GHITM: variants seen among roughly 807,000 people sequenced by gnomAD.
The protein encoded by GHITM is growth hormone-inducible transmembrane protein.
In GHITM, 24 loss-of-function variants were observed where a neutral mutation model predicts 38.7. The observed-to-expected ratio is 0.62, with a 90% CI of 0.45 to 0.87. The LOEUF (loss-of-function observed/expected upper bound fraction) is 0.87, where lower values mean the gene tolerates loss of function less well. GHITM is among the 40% of genes least tolerant of loss of function. GHITM has a pLI of 0.00. For synonymous variants in GHITM, 154 were observed against 147.8 expected (o/e 1.04, Z -0.30); for missense variants, 420 against 429.8 (o/e 0.98, Z 0.20).
At chr10:84,141,937 C>T (rs1589274305) in intron 2 of GHITM, among the ~76,000 whole-genome samples, 1 of 119,892 alleles carries the variant, frequency 8.3e-6, no homozygotes, top group African/African-American at 5.4e-5. Context: ...AGCACATAGT[C>T]AGAAGTTTAA....
chr10:84,140,897 A>G (rs1229869303), intron 1 of GHITM, among the ~76,000 whole-genome samples: 1 of 152,198 alleles, frequency 6.6e-6, no homozygotes, highest in East Asian at 1.9e-4. Flanking sequence ...GTTAACTTAG[A>G]ATATTTTTAT....
At chr10:84,148,890 G>C (rs767141155) in intron 6 of GHITM, 52 bp downstream of exon 6, 1 of 1,064,462 alleles carries the variant, frequency 9.4e-7, no homozygotes, top group Non-Finnish European at 1.5e-6. Context: ...CACCTTTTTT[G>C]GGTGGCTCTT....
At position 84,141,648 on chromosome 10, in the gene GHITM, T is replaced by C; in HGVS notation, c.129+19T>C. On this transcript the variant is annotated intron_variant, in intron 2 of 8. Transcript: ENST00000372134. ...TAGCAGGGTAAAGATAATCTGAATG[T>C]TTTTATATTGCTTCTTTTTCCATTT... is the stretch of plus-strand genomic sequence containing the variant. 1 of 1,611,740 alleles carries C rather than the reference T, an allele frequency of 6.2e-7. No individual in the cohort carries two copies. Among genetic ancestry groups the C allele is most frequent in the Non-Finnish European group, 8.5e-7 (1 of 1,177,890 alleles).
In GHITM at chr10:84,148,715, G is replaced by A. The variant is rs772288028; in HGVS notation, c.484-15G>A. Reference sequence around the variant, plus strand: ...ATATAAAGATCAGTTTTTCTTAATAGTACTTGTCTTTCAGACAATTGGTGT... The same window carrying A: ...ATATAAAGATCAGTTTTTCTTAATAATACTTGTCTTTCAGACAATTGGTGT... On this transcript the variant is annotated splice_polypyrimidine_tract_variant and intron_variant, in intron 5 of 8. Transcript: ENST00000372134. The A allele has an allele frequency of 4.6e-6, 7 of 1,529,128 alleles. No homozygotes were observed. The highest frequency in any genetic ancestry group is 5.4e-6 in the Non-Finnish European group (6 of 1,102,676). 94.7% of individuals were successfully genotyped at this position (1,529,128 alleles called of 1,614,324 possible).
intron 1 of GHITM, chr10:84,140,064 C>G (rs1440480479): frequency 6.9e-6 from 1 of 145,472 alleles, no homozygotes. Flanking sequence ...TTTATAGCAA[C>G]GACATCTGAG....
intron 3 of GHITM, 64 bp from the exon 4 acceptor site, chr10:84,143,931 A>C: frequency 9.5e-7 from 1 of 1,053,704 alleles, no homozygotes; most frequent in South Asian, 1.3e-5. Flanking sequence ...TCCCTTGATA[A>C]ATATTTTAAA....
chr10:84,152,251 T>C lies in GHITM; in HGVS notation c.954-13T>C, dbSNP rs1215282440. 2 of 1,382,512 alleles carry C rather than the reference T, an allele frequency of 1.4e-6. No individual in the cohort carries two copies. Among genetic ancestry groups the C allele is most frequent in the Non-Finnish European group, 2.0e-6 (2 of 977,654 alleles). 85.6% of individuals were successfully genotyped at this position (1,382,512 alleles called of 1,614,324 possible). ...ATTGCATCATATATAATGGGCATAA[T>C]TTTCTTTTCTAGGATGCTGAGTATC... On this transcript the variant is annotated splice_polypyrimidine_tract_variant and intron_variant, in intron 8 of 8. Transcript: ENST00000372134.
At chr10:84,149,975 T>C (rs1019810659) in intron 6 of GHITM, 80 bp from the exon 7 acceptor site, 27 of 1,132,258 alleles carry the variant, frequency 2.4e-5, no homozygotes, top group Non-Finnish European at 3.1e-5. Context: ...AGGTATAATA[T>C]AAAGTGGCAT....
chr10:84,140,567 C>T (rs1187363076), intron 1 of GHITM: 1 of 152,178 alleles, frequency 6.6e-6, no homozygotes, highest in Admixed American at 6.5e-5. Context: ...AGAAGTATAT[C>T]ACTTGCCTAG....
intron 1 of GHITM, chr10:84,139,944 C>CA (rs1224212924): frequency 6.6e-6 from 1 of 152,354 alleles, no homozygotes; most frequent in Admixed American, 6.5e-5. Flanking sequence ...GCCGGGTTCT[C>CA]ATCTGAATCT....
chr10:84,143,943 G>A, intron 3 of GHITM, 52 bp from the exon 4 acceptor site: 1 of 1,129,154 alleles, frequency 8.9e-7, no homozygotes, highest in South Asian at 1.2e-5. Flanking sequence ...TATTTTAAAG[G>A]CTTTGTCCAG....
chr10:84,152,479 G>A lies in GHITM; in HGVS notation c.*131G>A, dbSNP rs1841622213. 2.0e-6 allele frequency: 1 copy of A among 498,186 alleles called. No individual in the cohort carries two copies. The highest frequency in any genetic ancestry group is 3.6e-6 in the Non-Finnish European group (1 of 281,538). 30.9% of individuals were successfully genotyped at this position (498,186 alleles called of 1,614,324 possible). ...AAGAAACATGTCATCATATTTAAAT[G>A]TTCCGGTAATGTGATGCCTCAGGTC... On this transcript the variant is annotated 3_prime_UTR_variant, in exon 9 of 9. Transcript: ENST00000372134.
chr10:84,143,956 G>T (rs777443648), intron 3 of GHITM, 39 bp from the exon 4 acceptor site: 5 of 1,228,546 alleles, frequency 4.1e-6, no homozygotes, highest in Non-Finnish European at 6.0e-6. Context: ...TTGTCCAGAT[G>T]TGCCAGTACT....
At chr10:84,145,078 T>A in intron 5 of GHITM, 62 bp downstream of exon 5, 1 of 1,327,978 alleles carries the variant, frequency 7.5e-7, no homozygotes, top group Non-Finnish European at 1.0e-6. Flanking sequence ...ATAAAATATA[T>A]TGGAGGGAAG....
At chr10:84,145,282 A>G (rs1477729776) in intron 5 of GHITM, among the ~76,000 whole-genome samples, 1 of 152,204 alleles carries the variant, frequency 6.6e-6, no homozygotes, top group Non-Finnish European at 1.5e-5. Context: ...CTGAACCCTA[A>G]CAACAATGAA....
rs776128897 is a variant in GHITM, at chr10:84,141,597, A to G, written c.97A>G (p.Thr33Ala). ...KASPVVKNSI[T>A]KNQWLLTPSR... The stretch of plus-strand genomic sequence containing the variant: ...CTCCCCTGTTGTGAAGAATTCCATC[A>G]CGAAGAATCAATGGCTGTTAACACC... Residue 33 changes from threonine (T) to alanine (A), a missense_variant, in exon 2 of 9, where the codon ACG (threonine) becomes GCG (alanine). Physicochemically the swap from Thr to Ala is moderately conservative, Grantham distance 58 (BLOSUM62 0). Transcript: ENST00000372134. 1.2e-6 allele frequency: 2 copies of G among 1,613,876 alleles called. No homozygotes were observed. Among genetic ancestry groups the G allele is most frequent in the East Asian group, 4.5e-5 (2 of 44,880 alleles).
chr10:84,141,722 A>T (rs1377595140), intron 2 of GHITM, 93 bp downstream of exon 2: 1 of 1,193,270 alleles, frequency 8.4e-7, no homozygotes, highest in Non-Finnish European at 1.2e-6. Context: ...TTAGTGTGTT[A>T]TACGTCAGTT....
At chr10:84,144,838 G>C (rs771232103) in intron 4 of GHITM, 37 bp from the exon 5 acceptor site, 2 of 1,489,778 alleles carry the variant, frequency 1.3e-6, no homozygotes, top group Non-Finnish European at 1.8e-6. Flanking sequence ...AATCAAATCT[G>C]TAATTTCATA....
At chr10:84,139,737 A>C (rs576610432) in intron 1 of GHITM, 144 bp downstream of exon 1, 1 of 153,056 alleles carries the variant, frequency 6.5e-6, no homozygotes, top group South Asian at 2.1e-4. Flanking sequence ...TTGGGGTCGC[A>C]GTCCTGTGGG....
Sources: allele counts gnomAD v4.1 joint callset (sites outside exome capture counted in the v4.1 genomes callset), GRCh38; gene constraint gnomAD v4.1.1; transcripts MANE v1.5; gene names NCBI Gene and HGNC (gene_info 2026-07-23, HGNC 2026-07-21).